Variants in RSBN1L observed in about 807,000 individuals in gnomAD.
The protein encoded by RSBN1L is lysine-specific demethylase RSBN1L.
Under a neutral mutation model 67.7 loss-of-function variants are expected in RSBN1L, and 30 were observed. The ratio of observed to expected loss-of-function variants is 0.44; its 90% CI spans 0.33 to 0.60. RSBN1L has a LOEUF of 0.60. RSBN1L is among the 20% of genes least tolerant of loss of function. The pLI is 0.02. For synonymous variants in RSBN1L, 433 were observed against 387.0 expected (o/e 1.12, Z -1.39); for missense variants, 992 against 1,031.7 (o/e 0.96, Z 0.53).
At position 77,696,635 on chromosome 7, in the gene RSBN1L, G is replaced by A. The variant is rs770658350; in HGVS notation, c.166G>A (p.Val56Met). ...TGAGGAGAAGAAGGCACCGCGGAGA[G>A]TGAACGGAGAAGGGGGCAGCGGCGG... Reference protein sequence around the residue: ...RTEEKKAPRRVNGEGGSGGNS... With the variant: ...RTEEKKAPRRMNGEGGSGGNS... The change falls in exon 1 of 8, where the codon GTG becomes ATG. Residue 56 changes from valine to methionine, a missense_variant. By Grantham distance (21) the Val-to-Met change is conservative (BLOSUM62 1). Coordinates refer to ENST00000334955, the MANE Select transcript of RSBN1L (RefSeq NM_198467.3). The A allele has an allele frequency of 1.9e-6, 3 of 1,613,992 alleles. No homozygotes were observed. The highest frequency in any genetic ancestry group is 2.5e-6 in the Non-Finnish European group (3 of 1,179,930).
chr7:77,742,182 T>TACACACAC lies in RSBN1L; in HGVS notation c.703+5685_703+5692dup, dbSNP rs1169498942. On this transcript the variant is annotated intron_variant, in intron 2 of 7. Transcript: ENST00000334955. ...CCATCTTTAAAAAAAAAAAAAAAAA[T>TACACACAC]ACACACACACACACACACACACACA... 4.0e-3 allele frequency among the ~76,000 whole-genome samples: 318 copies of TACACACAC among 80,264 alleles called. 6 individuals carry two copies. The highest frequency in any genetic ancestry group is 0.011 in the South Asian group (22 of 1,982). The allele number at this position is 80,264 out of a possible 152,430, so 52.7% of individuals were successfully genotyped here.
chr7:77,752,304 C>G (rs560832319), intron 3 of RSBN1L, among the ~76,000 whole-genome samples: 1 of 152,300 alleles, frequency 6.6e-6, no homozygotes, highest in East Asian at 1.9e-4. Flanking sequence ...CCCTGGTGAC[C>G]TAAGCATGTC....
Position 77,778,975 on chromosome 7 carries a change from G to T in RSBN1L, c.2348G>T (p.Gly783Val). The T allele has an allele frequency of 6.2e-7, 1 of 1,613,900 alleles. No homozygotes were observed. The highest frequency in any genetic ancestry group is 1.1e-5 in the South Asian group (1 of 91,056). ...EKTTALNNMD[G>V]KNVKAKLDHV... ...ACTACAGCACTGAATAATATGGATGGCAAGAATGTTAAAGCAAAATTGGAT... is the reference window on the plus strand; with the variant it reads ...ACTACAGCACTGAATAATATGGATGTCAAGAATGTTAAAGCAAAATTGGAT... Residue 783 changes from glycine (G) to valine (V), a missense_variant, in exon 8 of 8, where the codon GGC (glycine) becomes GTC (valine). Around this residue, in one of 7 missense-constraint regions of RSBN1L, gnomAD observed 199 missense variants for 167.7 expected, o/e 1.19. Coordinates refer to ENST00000334955, the MANE Select transcript of RSBN1L (RefSeq NM_198467.3).
At chr7:77,751,583 A>T (rs1179807641) in intron 3 of RSBN1L, among the ~76,000 whole-genome samples, 1 of 152,198 alleles carries the variant, frequency 6.6e-6, no homozygotes, top group East Asian at 1.9e-4. Context: ...CAAAATGGTG[A>T]GTTACTTGTC....
intron 1 of RSBN1L, among the ~76,000 whole-genome samples, chr7:77,715,739 A>G (rs1467296620): frequency 1.3e-5 from 2 of 152,118 alleles, no homozygotes; most frequent in Non-Finnish European, 2.9e-5. Context: ...TTCCTTATTC[A>G]GACCTCCCCT....
At position 77,739,739 on chromosome 7, in the gene RSBN1L, C is replaced by CTTTTTTTTT. The variant is rs1173154183; in HGVS notation, c.703+3234_703+3242dup. Among the ~76,000 whole-genome samples the CTTTTTTTTT allele has an allele frequency of 5.7e-3, 244 of 42,690 alleles. 41 individuals are homozygous for CTTTTTTTTT. Among genetic ancestry groups the CTTTTTTTTT allele is most frequent in the Non-Finnish European group, 6.3e-3 (159 of 25,262 alleles). The allele number at this position is 42,690 out of a possible 152,430, so 28.0% of individuals were successfully genotyped here. The stretch of plus-strand genomic sequence containing the variant: ...AAAAAAAAAAAAAAAAAAAATGTGT[C>CTTTTTTTTT]TTTTTTTTTTTTTTTTTTTTTTTTT... On this transcript the variant is annotated intron_variant, in intron 2 of 7. Transcript: ENST00000334955.
intron 2 of RSBN1L, among the ~76,000 whole-genome samples, chr7:77,745,255 T>A (rs971552245): frequency 8.0e-6 from 1 of 125,548 alleles, no homozygotes; most frequent in African/African-American, 3.1e-5. Flanking sequence ...AAAGCAAAAC[T>A]CCGTCTCAAA....
At chr7:77,766,357 G>T (rs767108217) in intron 4 of RSBN1L, among the ~76,000 whole-genome samples, 3 of 152,078 alleles carry the variant, frequency 2.0e-5, no homozygotes, top group Non-Finnish European at 4.4e-5. Flanking sequence ...GCTAACTTTT[G>T]TATTTTTTGT....
chr7:77,772,539 T>A (rs754822053), intron 5 of RSBN1L, among the ~76,000 whole-genome samples: 3 of 152,228 alleles, frequency 2.0e-5, no homozygotes, highest in Non-Finnish European at 2.9e-5. Flanking sequence ...ATAGCTGTCT[T>A]CCAAGACAGA....
intron 1 of RSBN1L, among the ~76,000 whole-genome samples, chr7:77,726,643 T>C (rs1211994896): frequency 2.0e-5 from 3 of 152,176 alleles, no homozygotes; most frequent in Non-Finnish European, 2.9e-5. Context: ...GGAACGTTGC[T>C]GTGTCACCCA....
At chr7:77,771,281 GATT>G (rs961226027) in intron 5 of RSBN1L, among the ~76,000 whole-genome samples, 2 of 152,046 alleles carry the variant, frequency 1.3e-5, no homozygotes, top group African/African-American at 4.8e-5. Flanking sequence ...CTGTTACAGT[GATT>G]ATTAAGTTTA....
intron 2 of RSBN1L, among the ~76,000 whole-genome samples, chr7:77,737,052 A>G (rs1791347432): frequency 6.6e-6 from 1 of 150,396 alleles, no homozygotes; most frequent in South Asian, 2.1e-4. Flanking sequence ...AGTTGCATTC[A>G]TTTGCTGTTT....
intron 2 of RSBN1L, among the ~76,000 whole-genome samples, chr7:77,745,452 GTTAT>G (rs1427639744): frequency 2.6e-5 from 4 of 152,096 alleles, no homozygotes; most frequent in Non-Finnish European, 4.4e-5. Flanking sequence ...TAATATAAAG[GTTAT>G]TTGTTTCACT....
intron 3 of RSBN1L, among the ~76,000 whole-genome samples, chr7:77,757,443 A>G (rs955105691): frequency 1.3e-5 from 2 of 152,308 alleles, no homozygotes; most frequent in East Asian, 1.9e-4. Flanking sequence ...ATATTAGGAA[A>G]CTGTATCATG....
chr7:77,742,843 A>G (rs1489193828), intron 2 of RSBN1L, among the ~76,000 whole-genome samples: 1 of 152,134 alleles, frequency 6.6e-6, no homozygotes, highest in African/African-American at 2.4e-5. Flanking sequence ...GTCTTAAACA[A>G]CAACAACAAC....
At chr7:77,768,970 T>G (rs544705887) in intron 5 of RSBN1L, among the ~76,000 whole-genome samples, 167 bp downstream of exon 5, 4 of 152,240 alleles carry the variant, frequency 2.6e-5, no homozygotes, top group African/African-American at 9.6e-5. Flanking sequence ...AAACCTAAAA[T>G]GTAAATAAAG....
At chr7:77,709,791 T>C (rs899891894) in intron 1 of RSBN1L, among the ~76,000 whole-genome samples, 2 of 152,248 alleles carry the variant, frequency 1.3e-5, no homozygotes, top group Non-Finnish European at 2.9e-5. Flanking sequence ...GGTATTTTTC[T>C]AGTGTCCATT....
intron 5 of RSBN1L, among the ~76,000 whole-genome samples, chr7:77,770,091 G>C (rs1348600357): frequency 2.0e-5 from 3 of 152,200 alleles, no homozygotes; most frequent in Non-Finnish European, 4.4e-5. Context: ...AGTATAGTTA[G>C]GCCGGGTGCA....
rs1056744231 is a variant in RSBN1L at position 77,725,311 on chromosome 7, C to T, written c.587-11099C>T. ...TGGCCCAAGCTGGAGTGCAGTGGTG[C>T]GATCTCTGCTCACTGCAACCTCTGC... On this transcript the variant is annotated intron_variant, in intron 1 of 7. Coordinates refer to ENST00000334955, the MANE Select transcript of RSBN1L (RefSeq NM_198467.3). 8.0e-5 allele frequency among the ~76,000 whole-genome samples: 10 copies of T among 125,532 alleles called. No homozygotes were observed. In the South Asian group the frequency reaches 8.1e-4, roughly 10 times the overall value. 82.4% of individuals were successfully genotyped at this position (125,532 alleles called of 152,430 possible).
Sources: allele counts gnomAD v4.1 joint callset (sites outside exome capture counted in the v4.1 genomes callset), GRCh38; gene constraint gnomAD v4.1.1; regional missense constraint gnomAD v4.1.1; transcripts MANE v1.5; gene names NCBI Gene and HGNC (gene_info 2026-07-23, HGNC 2026-07-21).